The following AGFG1 variants were observed in gnomAD, a reference collection of about 807,000 sequenced individuals.
The protein encoded by AGFG1 is ArfGAP with FG repeats 1.
AGFG1 carries 10 observed loss-of-function variants against 60.6 expected under a neutral mutation model. The observed-to-expected ratio is 0.16, with a 90% CI of 0.10 to 0.28. The LOEUF (loss-of-function observed/expected upper bound fraction) is 0.28. Ranked by LOEUF, AGFG1 falls within the 10% of genes least tolerant of loss-of-function variation. AGFG1 has a pLI of 1.00. For synonymous variants in AGFG1, 247 were observed against 242.9 expected, an observed-to-expected ratio of 1.02 and a Z score of -0.16; for missense variants, 537 against 676.5, an observed-to-expected ratio of 0.79 and a Z score of 2.29.
intron 2 of AGFG1, among the ~76,000 whole-genome samples, chr2:227,494,574 G>A (rs57468076): frequency 3.9e-5 from 6 of 152,200 alleles, no homozygotes; most frequent in Non-Finnish European, 8.8e-5. Context: ...GGCATGTTTG[G>A]TTGTTGTCAC....
Position 227,554,812 on chromosome 2 carries a change from A to T in AGFG1, c.*317A>T. On this transcript the variant is annotated 3_prime_UTR_variant, in exon 13 of 13. Coordinates refer to ENST00000310078, the MANE Select transcript of AGFG1 (RefSeq NM_004504.5). ...TTTCTTAGAAATTAGCTATTTGTGC[A>T]TATCAGTATTTGTAACTTTAACACA... 5.1e-6 allele frequency: 1 copy of T among 194,904 alleles called. No homozygotes were observed. The highest frequency in any genetic ancestry group is 1.2e-4 in the East Asian group (1 of 8,114). 12.1% of individuals were successfully genotyped at this position (194,904 alleles called of 1,614,324 possible). A position where few individuals can be genotyped will look rare whatever the true frequency, so the allele number is the denominator to read the frequency against.
chr2:227,506,098 TCTAAA>T (rs2106188493), intron 2 of AGFG1, among the ~76,000 whole-genome samples: 1 of 152,364 alleles, frequency 6.6e-6, no homozygotes, highest in South Asian at 2.1e-4. Context: ...GCCTGCTTAT[TCTAAA>T]ATCTTTATCA....
chr2:227,554,280 G>A (rs1273970814), intron 12 of AGFG1, among the ~76,000 whole-genome samples, 156 bp from the exon 13 acceptor site: 1 of 152,056 alleles, frequency 6.6e-6, no homozygotes, highest in African/African-American at 2.4e-5. Context: ...GTTTGATATA[G>A]CTTATTGCCA....
At chr2:227,522,109 T>C (rs13035207) in intron 3 of AGFG1, among the ~76,000 whole-genome samples, 10,972 of 152,266 alleles carry the variant, frequency 0.072, 527 homozygotes, top group Admixed American at 0.11. Context: ...GATGGTGTTA[T>C]CCAAAGGGAT....
At chr2:227,515,807 C>A (rs748321350) in intron 2 of AGFG1, among the ~76,000 whole-genome samples, 3 of 151,872 alleles carry the variant, frequency 2.0e-5, no homozygotes, top group Admixed American at 6.6e-5. Context: ...TAGTAAAAAA[C>A]CAAAACAAGC....
In AGFG1 at chr2:227,548,339, T is replaced by C. The variant is rs1277349329; in HGVS notation, c.1379-3620T>C. On this transcript the variant is annotated intron_variant, in intron 10 of 12. Coordinates refer to ENST00000310078, the MANE Select transcript of AGFG1 (RefSeq NM_004504.5). ...GTAAGTGAATGAATTGTGTGTAGTA[T>C]GTGAACTATATTTCAGAAAGCTGTA... 3.3e-5 allele frequency among the ~76,000 whole-genome samples: 5 copies of C among 152,342 alleles called. No homozygotes were observed. In the East Asian group the frequency reaches 9.6e-4, roughly 29 times the overall value.
chr2:227,500,241 C>G (rs1691114580), intron 2 of AGFG1, among the ~76,000 whole-genome samples: 1 of 152,202 alleles, frequency 6.6e-6, no homozygotes, highest in South Asian at 2.1e-4. Context: ...TTTGGTCAGT[C>G]TCTTACTGGA....
intron 3 of AGFG1, among the ~76,000 whole-genome samples, chr2:227,523,264 A>T (rs1691876252): frequency 6.6e-6 from 1 of 152,150 alleles, no homozygotes; most frequent in Admixed American, 6.5e-5. Context: ...GTCTTCTGTG[A>T]ATTGCTTCTT....
At chr2:227,479,380 T>C (rs1690388359) in intron 1 of AGFG1, among the ~76,000 whole-genome samples, 1 of 152,208 alleles carries the variant, frequency 6.6e-6, no homozygotes, top group Admixed American at 6.5e-5. Flanking sequence ...TAAAATACAG[T>C]TTAGATTAAA....
At chr2:227,517,730 G>T (rs1029605972) in intron 2 of AGFG1, among the ~76,000 whole-genome samples, 1 of 152,146 alleles carries the variant, frequency 6.6e-6, no homozygotes, top group Non-Finnish European at 1.5e-5. Flanking sequence ...TACTTGTCAG[G>T]GTTTTTGAAA....
chr2:227,536,933 G>T lies in AGFG1; in HGVS notation c.1318G>T (p.Ala440Ser). 6.2e-7 allele frequency: 1 copy of T among 1,612,982 alleles called. No individual in the cohort carries two copies. The highest frequency in any genetic ancestry group is 8.5e-7 in the Non-Finnish European group (1 of 1,179,352). ...TPSTNPFVAAAGPSVASSTNP... is the reference protein window; with the variant it reads ...TPSTNPFVAASGPSVASSTNP... ...TTCCACAAATCCATTTGTTGCTGCT[G>T]CTGGTCCTTCTGTGGCATCTTCTAC... Residue 440 changes from alanine (A) to serine (S), a missense_variant, in exon 10 of 13, where the codon GCT (alanine) becomes TCT (serine). Ala to Ser is a moderately conservative substitution (Grantham distance 99). This residue lies in a region of AGFG1 where 287 missense variants were observed against 343.6 expected (regional missense o/e 0.84). Coordinates refer to ENST00000310078, the MANE Select transcript of AGFG1 (RefSeq NM_004504.5).
rs1199794204 is a variant in AGFG1, at chr2:227,536,721, T to C, written c.1285+17T>C. 1.2e-6 allele frequency: 2 copies of C among 1,612,604 alleles called. No homozygotes were observed. The highest frequency in any genetic ancestry group is 8.5e-7 in the Non-Finnish European group (1 of 1,178,832). On this transcript the variant is annotated intron_variant, in intron 9 of 12. Coordinates refer to ENST00000310078, the MANE Select transcript of AGFG1 (RefSeq NM_004504.5). ...CATTTGGAGGTATGTGCTTCTGGTA[T>C]ATACACTGGTTTTTACAAAGAACCC... is the stretch of plus-strand genomic sequence containing the variant.
At chr2:227,539,687 G>C (rs1692422046) in intron 10 of AGFG1, among the ~76,000 whole-genome samples, 1 of 139,796 alleles carries the variant, frequency 7.2e-6, no homozygotes, top group Admixed American at 7.7e-5. Flanking sequence ...CGAAATTACA[G>C]TGAACTGTGA....
At chr2:227,505,648 A>C (rs943639610) in intron 2 of AGFG1, among the ~76,000 whole-genome samples, 4 of 151,926 alleles carry the variant, frequency 2.6e-5, no homozygotes, top group Non-Finnish European at 5.9e-5. Context: ...TTATTTCTAG[A>C]GTTTCCATTT....
intron 1 of AGFG1, among the ~76,000 whole-genome samples, chr2:227,477,993 C>T (rs1049830617): frequency 5.3e-5 from 8 of 151,986 alleles, no homozygotes; most frequent in Non-Finnish European, 7.4e-5. Context: ...AACTTCTTAG[C>T]TCCAAAATGT....
intron 1 of AGFG1, among the ~76,000 whole-genome samples, chr2:227,474,879 T>G (rs1023519279): frequency 3.9e-5 from 6 of 152,214 alleles, no homozygotes; most frequent in African/African-American, 1.4e-4. Context: ...TGAGCTTGAT[T>G]TTTCTCTTAT....
chr2:227,542,415 T>C (rs766295780), intron 10 of AGFG1, among the ~76,000 whole-genome samples: 7 of 152,094 alleles, frequency 4.6e-5, no homozygotes, highest in Non-Finnish European at 1.0e-4. Flanking sequence ...TCTATTGAGA[T>C]ACTCGTGGTT....
chr2:227,514,536 A>G (rs1691596674), intron 2 of AGFG1, among the ~76,000 whole-genome samples: 2 of 152,196 alleles, frequency 1.3e-5, no homozygotes, highest in Admixed American at 1.3e-4. Flanking sequence ...TCCCAGTACA[A>G]AACATATATT....
At position 227,527,025 on chromosome 2, in the gene AGFG1, A is replaced by G. The variant is rs1692014452; in HGVS notation, c.694+2110A>G. ...CTTGCAGAGGTACTTAGGTTAGGTA[A>G]TATTTAAAAATTGATTATTGAAGTA... On this transcript the variant is annotated intron_variant, in intron 5 of 12. Transcript: ENST00000310078. 2.0e-5 allele frequency among the ~76,000 whole-genome samples: 3 copies of G among 152,166 alleles called. No individual in the cohort carries two copies. In the South Asian group the frequency reaches 6.2e-4, roughly 31 times the overall value.
Sources: allele counts gnomAD v4.1 joint callset (sites outside exome capture counted in the v4.1 genomes callset), GRCh38; gene constraint gnomAD v4.1.1; regional missense constraint gnomAD v4.1.1; transcripts MANE v1.5; gene names NCBI Gene and HGNC (gene_info 2026-07-23, HGNC 2026-07-21).